Variants in MAP2 observed in about 807,000 individuals in gnomAD.
MAP2 encodes the protein microtubule associated protein 2, also known as microtubule-associated protein 2.
In MAP2, 14 loss-of-function variants were observed where a neutral mutation model predicts 137.6. The observed-to-expected ratio is 0.10, with a 90% CI of 0.07 to 0.16. MAP2 has a LOEUF of 0.16. Ranked by LOEUF, MAP2 falls within the 10% of genes least tolerant of loss-of-function variation. The pLI is 1.00. For missense variants in MAP2, 2,088 were observed against 2,191.5 expected, an observed-to-expected ratio of 0.95 and a Z score of 0.94; for synonymous variants, 786 against 782.3, an observed-to-expected ratio of 1.00 and a Z score of -0.08.
chr2:209,643,686 G>A (rs1218079413), intron 4 of MAP2, among the ~76,000 whole-genome samples: 1 of 141,086 alleles, frequency 7.1e-6, no homozygotes, highest in Non-Finnish European at 1.5e-5. Flanking sequence ...TTCATAATGT[G>A]AAGTAGATTT....
At chr2:209,499,155 C>T (rs1341055222) in intron 1 of MAP2, among the ~76,000 whole-genome samples, 3 of 152,030 alleles carry the variant, frequency 2.0e-5, no homozygotes, top group Admixed American at 6.5e-5. Flanking sequence ...ACAGCCAGGC[C>T]TCCTCTTGAA....
chr2:209,543,242 A>G (rs548268000), intron 2 of MAP2, among the ~76,000 whole-genome samples: 95 of 152,380 alleles, frequency 6.2e-4, no homozygotes, highest in Admixed American at 2.5e-3. Flanking sequence ...TGCGACATTT[A>G]GCCATTAAGT....
At chr2:209,442,357 G>T (rs901144475) in intron 1 of MAP2, among the ~76,000 whole-genome samples, 2 of 151,420 alleles carry the variant, frequency 1.3e-5, no homozygotes, top group African/African-American at 4.8e-5. Context: ...GGGTCTAGGG[G>T]CCCCCAAGAC....
chr2:209,672,086 T>C (rs1226384832), intron 5 of MAP2, among the ~76,000 whole-genome samples: 1 of 151,898 alleles, frequency 6.6e-6, no homozygotes, highest in African/African-American at 2.4e-5. Flanking sequence ...TGACAAGTAG[T>C]GTGATCAGAA....
chr2:209,445,036 A>G (rs925170142), intron 1 of MAP2, among the ~76,000 whole-genome samples: 3 of 151,626 alleles, frequency 2.0e-5, no homozygotes, highest in Middle Eastern at 3.4e-3. Flanking sequence ...TAAATTTCCT[A>G]AGGACTATTT....
intron 2 of MAP2, among the ~76,000 whole-genome samples, chr2:209,512,030 A>T (rs17317100): frequency 0.058 from 8,797 of 152,070 alleles, 292 homozygotes; most frequent in South Asian, 0.092. Flanking sequence ...TTAACCTCTG[A>T]TGCCCTCTAT....
At chr2:209,559,820 C>T (rs911051357) in intron 2 of MAP2, among the ~76,000 whole-genome samples, 2 of 151,732 alleles carry the variant, frequency 1.3e-5, no homozygotes, top group African/African-American at 4.9e-5. Context: ...CTGGAGTCAG[C>T]CACATTTTTT....
At chr2:209,549,645 A>T (rs1187124874) in intron 2 of MAP2, among the ~76,000 whole-genome samples, 1 of 152,144 alleles carries the variant, frequency 6.6e-6, no homozygotes, top group Non-Finnish European at 1.5e-5. Flanking sequence ...TTCTTGAAGC[A>T]TATTGTTTTC....
rs554559632 is a variant in MAP2, at chr2:209,693,258, A to G, written c.1088A>G (p.Lys363Arg). Residue 363 changes from lysine (K) to arginine (R), a missense_variant, in exon 8 of 16, where the codon AAA (lysine) becomes AGA (arginine). Coordinates refer to ENST00000682079, the MANE Select transcript of MAP2 (RefSeq NM_001375505.1). ...CAAACCAGTGGCCCAGCTACTGCCA[A>G]AGATAGTTTTAAAATTGAAGAGCCC... is the stretch of plus-strand genomic sequence containing the variant. The part of the protein sequence containing the change: ...LQQTSGPATA[K>R]DSFKIEEPHE... 2.5e-6 allele frequency: 4 copies of G among 1,614,060 alleles called. No individual in the cohort carries two copies. The East Asian group carries it at 6.7e-5, about 27-fold the overall frequency.
intron 7 of MAP2, among the ~76,000 whole-genome samples, chr2:209,685,762 G>T (rs1239413866): frequency 6.6e-6 from 1 of 152,104 alleles, no homozygotes; most frequent in Non-Finnish European, 1.5e-5. Context: ...AAATGCTATA[G>T]ATCTGAAGCA....
At chr2:209,600,349 G>A (rs144348033) in intron 3 of MAP2, among the ~76,000 whole-genome samples, 70 of 152,314 alleles carry the variant, frequency 4.6e-4, no homozygotes, top group Admixed American at 4.4e-3. Flanking sequence ...CAGGGGCAAT[G>A]TTAAGAGTTC....
chr2:209,441,249 A>G (rs1697687722), intron 1 of MAP2, among the ~76,000 whole-genome samples: 1 of 151,606 alleles, frequency 6.6e-6, no homozygotes, highest in South Asian at 2.1e-4. Flanking sequence ...CTTGAAAAAA[A>G]TAATTTGCAA....
At chr2:209,530,756 C>A (rs1344552463) in intron 2 of MAP2, among the ~76,000 whole-genome samples, 1 of 151,694 alleles carries the variant, frequency 6.6e-6, no homozygotes, top group Non-Finnish European at 1.5e-5. Context: ...AGGTATTCAC[C>A]TTTTTTATGG....
At chr2:209,636,562 A>ATT (rs1385186435) in intron 4 of MAP2, among the ~76,000 whole-genome samples, 2 of 125,046 alleles carry the variant, frequency 1.6e-5, no homozygotes, top group Non-Finnish European at 3.0e-5. Context: ...ATACGTATAT[A>ATT]TTATATATAT....
At chr2:209,428,257 A>T (rs377223560) in intron 1 of MAP2, among the ~76,000 whole-genome samples, 27 of 152,320 alleles carry the variant, frequency 1.8e-4, no homozygotes, top group African/African-American at 6.5e-4. Flanking sequence ...TTCTATGGAA[A>T]GTTAGACAAA....
At chr2:209,593,264 T>G (rs1052001288) in intron 3 of MAP2, among the ~76,000 whole-genome samples, 2 of 151,986 alleles carry the variant, frequency 1.3e-5, no homozygotes, top group Non-Finnish European at 2.9e-5. Flanking sequence ...CAAGAGTGAT[T>G]TTTAAAATGT....
At chr2:209,425,998 A>C (rs1200084302) in intron 1 of MAP2, among the ~76,000 whole-genome samples, 1 of 152,046 alleles carries the variant, frequency 6.6e-6, no homozygotes, top group Non-Finnish European at 1.5e-5. Flanking sequence ...TCCTTCAAGA[A>C]AAAAGGCATT....
At chr2:209,704,501 A>C (rs1414981295) in intron 11 of MAP2, 1 of 1,612,816 alleles carries the variant, frequency 6.2e-7, no homozygotes, top group Non-Finnish European at 8.5e-7. Context: ...AAAGTCCCCA[A>C]GATACAGCTC....
intron 11 of MAP2, chr2:209,704,525 A>G (rs768596473): frequency 6.2e-7 from 1 of 1,612,998 alleles, no homozygotes; most frequent in South Asian, 1.1e-5. Flanking sequence ...CTGCCCTAGC[A>G]CGACTAAAAG....
Sources: gnomAD v4.1 joint callset for allele counts (sites outside exome capture counted in the v4.1 genomes callset) on GRCh38, gnomAD v4.1.1 for gene constraint, MANE v1.5 for transcripts, NCBI Gene and HGNC (gene_info 2026-07-23, HGNC 2026-07-21) for gene names.